OSBPL9: variants seen among roughly 807,000 people sequenced by gnomAD.
The protein encoded by OSBPL9 is oxysterol-binding protein-related protein 9.
A neutral mutation model predicts 106.6 loss-of-function variants in OSBPL9; 40 were observed. The observed-to-expected ratio is 0.38, with a 90% CI of 0.29 to 0.49. OSBPL9 has a LOEUF of 0.49. OSBPL9 is among the 20% of genes least tolerant of loss of function. OSBPL9 has a pLI of 0.97. For synonymous variants in OSBPL9, 269 were observed against 295.4 expected (o/e 0.91, Z 0.92); for missense variants, 609 against 887.2 (o/e 0.69, Z 3.98).
Position 51,729,819 on chromosome 1 carries a change from G to A in OSBPL9, c.319-15717G>A, listed in dbSNP as rs986430840. The A allele has an allele frequency of 2.1e-5, 26 of 1,243,634 alleles. No homozygotes were observed. The African/African-American group carries it at 3.9e-4, about 19-fold the overall frequency. 77.0% of individuals were successfully genotyped at this position (1,243,634 alleles called of 1,614,324 possible). On this transcript the variant is annotated intron_variant, in intron 4 of 23. Transcript: ENST00000428468. This position sits in a 1 kb window ranked among gnomAD's most constrained non-coding sequence, Gnocchi z 5.1. ...GACGGGAAAGGGGTGGGGGGTGAAG[G>A]GGGTGAAGGGGGTGTCCCGGGGGAC...
chr1:51,775,834 C>G (rs1024631438), intron 14 of OSBPL9, among the ~76,000 whole-genome samples: 2 of 152,106 alleles, frequency 1.3e-5, no homozygotes, highest in Admixed American at 1.3e-4. Context: ...TGGTCTCGAA[C>G]TCCTGACCTC....
chr1:51,610,271 G>A (rs1643977737), intron 2 of OSBPL9, among the ~76,000 whole-genome samples: 1 of 151,874 alleles, frequency 6.6e-6, no homozygotes, highest in Non-Finnish European at 1.5e-5. Flanking sequence ...TGTTGTTGTT[G>A]TTGTTGTTGA....
chr1:51,583,351 G>T (rs1028469374), intron 1 of OSBPL9: 1 of 152,166 alleles, frequency 6.6e-6, no homozygotes, highest in Non-Finnish European at 1.5e-5. Context: ...GTGCAAAATG[G>T]CTTCCATACT....
the OSBPL9 span, among the ~76,000 whole-genome samples, chr1:51,553,199 C>T: frequency 1.3e-5 from 2 of 152,186 alleles, no homozygotes; most frequent in South Asian, 4.1e-4. Flanking sequence ...AAACAAACAG[C>T]ACTCATTACC....
chr1:51,756,891 C>T (rs1376108660), intron 9 of OSBPL9: 2 of 152,160 alleles, frequency 1.3e-5, no homozygotes, highest in Non-Finnish European at 2.9e-5. Context: ...ACTCTTTCCT[C>T]TCTCTTATCT....
chr1:51,663,398 A>C (rs1488522550), intron 2 of OSBPL9, among the ~76,000 whole-genome samples: 1 of 152,094 alleles, frequency 6.6e-6, no homozygotes, highest in Non-Finnish European at 1.5e-5. Flanking sequence ...CTTCTCAGCC[A>C]ACATACAGAA....
intron 2 of OSBPL9, among the ~76,000 whole-genome samples, chr1:51,662,846 G>A (rs539848202): frequency 3.6e-4 from 54 of 149,310 alleles, no homozygotes; most frequent in Non-Finnish European, 7.1e-4. Flanking sequence ...CCAGGTTCAC[G>A]CCATTCTCCT....
At chr1:51,584,359 A>G (rs1202505263) in intron 1 of OSBPL9, among the ~76,000 whole-genome samples, 1 of 152,196 alleles carries the variant, frequency 6.6e-6, no homozygotes, top group Non-Finnish European at 1.5e-5. Flanking sequence ...TAGGAAAACC[A>G]TCTTTTCTCT....
upstream of OSBPL9, among the ~76,000 whole-genome samples, chr1:51,574,755 A>C (rs1645173572): frequency 6.6e-6 from 1 of 152,238 alleles, no homozygotes; most frequent in African/African-American, 2.4e-5. Flanking sequence ...CTCATCCCTT[A>C]CACATATTTA....
At chr1:51,636,183 C>T (rs1469626247) in intron 1 of OSBPL9, among the ~76,000 whole-genome samples, 2 of 105,628 alleles carry the variant, frequency 1.9e-5, no homozygotes, top group African/African-American at 7.2e-5. Context: ...TTTTTTGAGA[C>T]AGGGTCTTGC....
intron 2 of OSBPL9, among the ~76,000 whole-genome samples, chr1:51,661,944 G>A (rs574048442): frequency 6.6e-6 from 1 of 152,276 alleles, no homozygotes; most frequent in South Asian, 2.1e-4. Flanking sequence ...GGGCCTTGTA[G>A]GCTAGGCTGT....
At chr1:51,675,900 G>A (rs1382859300) in intron 3 of OSBPL9, among the ~76,000 whole-genome samples, 4 of 152,002 alleles carry the variant, frequency 2.6e-5, no homozygotes, top group Non-Finnish European at 5.9e-5. Context: ...TATTTTATGA[G>A]TTTTAACTGA....
At chr1:51,532,420 A>C in the OSBPL9 span, among the ~76,000 whole-genome samples, 1 of 152,176 alleles carries the variant, frequency 6.6e-6, no homozygotes, top group Non-Finnish European at 1.5e-5. Flanking sequence ...AAGAGGGCTG[A>C]GTATGTGGGC....
At chr1:51,714,192 A>T in intron 4 of OSBPL9, 113 bp downstream of exon 4, 2 of 688,080 alleles carry the variant, frequency 2.9e-6, no homozygotes. Context: ...AGGAACTTAT[A>T]ATTTCTGAGT....
intron 8 of OSBPL9, chr1:51,752,407 C>T (rs1669444439): frequency 7.5e-6 from 3 of 397,672 alleles, no homozygotes; most frequent in African/African-American, 6.2e-5. Context: ...TAGCCTATAC[C>T]TCCCACTGGT....
At chr1:51,543,492 T>G in the OSBPL9 span, among the ~76,000 whole-genome samples, 1 of 152,014 alleles carries the variant, frequency 6.6e-6, no homozygotes, top group East Asian at 1.9e-4. Flanking sequence ...ACCTCCTGGG[T>G]TCAATCGATT....
chr1:51,663,752 T>C (rs561439025), intron 2 of OSBPL9, among the ~76,000 whole-genome samples: 3 of 152,298 alleles, frequency 2.0e-5, no homozygotes. Flanking sequence ...TTATAACCAT[T>C]GAAGGGCTCA....
intron 4 of OSBPL9, among the ~76,000 whole-genome samples, chr1:51,743,939 A>G (rs1045326508): frequency 3.9e-5 from 6 of 152,078 alleles, no homozygotes; most frequent in Non-Finnish European, 7.4e-5. Context: ...TTTTATAAAT[A>G]TATCTGGATT....
chr1:51,631,836 G>C (rs1488146642), intron 1 of OSBPL9, among the ~76,000 whole-genome samples: 2 of 152,174 alleles, frequency 1.3e-5, no homozygotes, highest in Non-Finnish European at 2.9e-5. Context: ...GCTAGATCAG[G>C]TCTCCCCAAC....
Sources: allele counts gnomAD v4.1 joint callset (sites outside exome capture counted in the v4.1 genomes callset), GRCh38; gene constraint gnomAD v4.1.1; non-coding constraint Gnocchi (gnomAD v3.1); transcripts MANE v1.5; gene names NCBI Gene and HGNC (gene_info 2026-07-23, HGNC 2026-07-21).